SMAP2: variants seen among roughly 807,000 people sequenced by gnomAD.
The protein encoded by SMAP2 is small ArfGAP2.
A neutral mutation model predicts 56.4 loss-of-function variants in SMAP2; 25 were observed. The ratio of observed to expected loss-of-function variants is 0.44; its 90% CI spans 0.32 to 0.62. The LOEUF (loss-of-function observed/expected upper bound fraction) is 0.62. SMAP2 is among the 20% of genes least tolerant of loss of function. SMAP2 has a pLI of 0.04. For synonymous variants in SMAP2, 157 were observed against 181.7 expected, an observed-to-expected ratio of 0.86 and a Z score of 1.09; for missense variants, 388 against 545.6, an observed-to-expected ratio of 0.71 and a Z score of 2.88.
intron 2 of SMAP2, among the ~76,000 whole-genome samples, chr1:40,407,537 C>T (rs1644897173): frequency 6.6e-6 from 1 of 151,972 alleles, no homozygotes; most frequent in South Asian, 2.1e-4. Context: ...ACCTCCAAAT[C>T]ATAGACTTAT....
chr1:40,363,745 C>T (rs1347802832), intron 2 of SMAP2, among the ~76,000 whole-genome samples: 3 of 152,194 alleles, frequency 2.0e-5, no homozygotes, highest in Non-Finnish European at 4.4e-5. Context: ...AACCCCTTCC[C>T]CACCAGCAGC....
chr1:40,404,790 A>G lies in SMAP2; in HGVS notation c.104-1946A>G, dbSNP rs1010765753. Among the ~76,000 whole-genome samples the G allele has an allele frequency of 9.2e-5, 14 of 152,006 alleles. 1 individual carries two copies. The highest frequency in any genetic ancestry group is 5.8e-4 in the East Asian group (3 of 5,184). ...AACTGTAACCTAAAATGGATATACC[A>G]CATGTTAAGAAACCCCATTTACATC... is the stretch of plus-strand genomic sequence containing the variant. On this transcript the variant is annotated intron_variant, in intron 1 of 9. Coordinates refer to ENST00000372718, the MANE Select transcript of SMAP2 (RefSeq NM_022733.3).
intron 2 of SMAP2, among the ~76,000 whole-genome samples, chr1:40,363,719 A>T (rs1265927582): frequency 6.6e-6 from 1 of 152,194 alleles, no homozygotes; most frequent in African/African-American, 2.4e-5. Flanking sequence ...GACAGTCTTG[A>T]ATTGCTGATG....
chr1:40,405,516 G>A (rs1175151221), intron 1 of SMAP2, among the ~76,000 whole-genome samples: 1 of 152,132 alleles, frequency 6.6e-6, no homozygotes, highest in Admixed American at 6.5e-5. Flanking sequence ...TTAAAAACCT[G>A]CTAGCTAACC....
intron 1 of SMAP2, among the ~76,000 whole-genome samples, chr1:40,388,525 C>T (rs1027298995): frequency 1.3e-5 from 2 of 152,202 alleles, no homozygotes; most frequent in South Asian, 4.2e-4. Flanking sequence ...CTGTATCTAG[C>T]TACTCTTGGT....
intron 1 of SMAP2, among the ~76,000 whole-genome samples, chr1:40,355,869 C>T (rs185519760): frequency 8.5e-5 from 13 of 152,172 alleles, no homozygotes; most frequent in African/African-American, 1.9e-4. Flanking sequence ...CTCAGCCCCC[C>T]CAAAATGCTG....
chr1:40,406,687 C>G, intron 1 of SMAP2, 49 bp from the exon 2 acceptor site: 1 of 1,564,164 alleles, frequency 6.4e-7, no homozygotes, highest in Middle Eastern at 1.7e-4. Context: ...TAGTTTAGGC[C>G]TTGAATGTTG....
At chr1:40,406,928 A>G (rs1376356635) in intron 2 of SMAP2, 59 bp downstream of exon 2, 1 of 1,506,358 alleles carries the variant, frequency 6.6e-7, no homozygotes, top group Non-Finnish European at 9.0e-7. Context: ...GGAATTCCAG[A>G]TGAATTTCAG....
At chr1:40,362,959 A>T (rs1258027143) in intron 2 of SMAP2, among the ~76,000 whole-genome samples, 1 of 152,126 alleles carries the variant, frequency 6.6e-6, no homozygotes, top group Non-Finnish European at 1.5e-5. Context: ...AGCTTAGCTG[A>T]TGTGTTAGAA....
At chr1:40,393,331 A>G in intron 1 of SMAP2, 1 of 1,526,612 alleles carries the variant, frequency 6.6e-7, no homozygotes, top group Non-Finnish European at 8.7e-7. Flanking sequence ...AAAAAACCCA[A>G]CAACAGAACA....
intron 1 of SMAP2, among the ~76,000 whole-genome samples, chr1:40,346,925 C>T (rs1038992785): frequency 1.3e-5 from 2 of 151,930 alleles, no homozygotes; most frequent in African/African-American, 4.8e-5. Context: ...TCATAGCTCA[C>T]TGCAGCCTGG....
chr1:40,361,345 C>T (rs1238403079), intron 1 of SMAP2, among the ~76,000 whole-genome samples: 1 of 152,120 alleles, frequency 6.6e-6, no homozygotes, highest in Non-Finnish European at 1.5e-5. Flanking sequence ...CAGCAGTACC[C>T]AGGCAGGACT....
At chr1:40,352,025 A>AT (rs1048238634) in intron 1 of SMAP2, among the ~76,000 whole-genome samples, 1 of 151,780 alleles carries the variant, frequency 6.6e-6, no homozygotes, top group Non-Finnish European at 1.5e-5. Context: ...ACATCCATGA[A>AT]TTTTTTTTTC....
At chr1:40,345,527 C>T (rs1176579579) in intron 1 of SMAP2, among the ~76,000 whole-genome samples, 1 of 151,944 alleles carries the variant, frequency 6.6e-6, no homozygotes, top group South Asian at 2.1e-4. Context: ...ACTATGTTGC[C>T]CAATGCCCAG....
At chr1:40,348,713 T>C (rs1488421309) in intron 1 of SMAP2, among the ~76,000 whole-genome samples, 1 of 152,038 alleles carries the variant, frequency 6.6e-6, no homozygotes, top group African/African-American at 2.4e-5. Context: ...ATGAAAAAAT[T>C]TGCTCTCACT....
At chr1:40,365,672 A>G (rs1644478594) in intron 2 of SMAP2, among the ~76,000 whole-genome samples, 1 of 152,206 alleles carries the variant, frequency 6.6e-6, no homozygotes, top group Non-Finnish European at 1.5e-5. Flanking sequence ...TAACAAACAG[A>G]AAGGACATCC....
chr1:40,399,310 ATTTTTTTT>A (rs747127620), intron 1 of SMAP2, among the ~76,000 whole-genome samples: 5 of 91,954 alleles, frequency 5.4e-5, no homozygotes, highest in South Asian at 4.2e-4. Context: ...ACGTGTGGCT[ATTTTTTTT>A]TTTTTTTTTT....
rs546036041 is a variant in SMAP2, at chr1:40,374,043, C to T, written c.-78C>T. The T allele has an allele frequency of 2.9e-4, 332 of 1,162,946 alleles. No individual in the cohort carries two copies. The highest frequency in any genetic ancestry group is 3.6e-4 in the Non-Finnish European group (283 of 793,408). The allele number at this position is 1,162,946 out of a possible 1,614,324, so 72.0% of individuals were successfully genotyped here. ...TGCCCCTGGGCGGGGGACCGGGAGT[C>T]CTCAACCCCGGACTGAGGCAGGGGT... is the stretch of plus-strand genomic sequence containing the variant. On this transcript the variant is annotated 5_prime_UTR_variant, in exon 1 of 10. Transcript: ENST00000372718. The surrounding 1 kb of genome is among the most constrained non-coding windows in gnomAD (Gnocchi z 5.9).
Position 40,408,915 on chromosome 1 carries a change from C to T in SMAP2, c.323+177C>T, listed in dbSNP as rs1644910396. On this transcript the variant is annotated intron_variant, in intron 3 of 9. Transcript: ENST00000372718. This position sits in a 1 kb window ranked among gnomAD's most constrained non-coding sequence, Gnocchi z 4.3. The stretch of plus-strand genomic sequence containing the variant: ...AAAAAGCACATGTATTTGTGAATGT[C>T]GGAATTGTCATACGGTGTCACTTGA... Among the ~76,000 whole-genome samples, 4 of 152,122 alleles carry T rather than the reference C, an allele frequency of 2.6e-5. No homozygotes were observed. Among genetic ancestry groups the T allele is most frequent in the Admixed American group, 6.5e-5 (1 of 15,270 alleles).
Sources: gnomAD v4.1 joint callset for allele counts (sites outside exome capture counted in the v4.1 genomes callset) on GRCh38, gnomAD v4.1.1 for gene constraint, Gnocchi (gnomAD v3.1) non-coding constraint, MANE v1.5 for transcripts, NCBI Gene and HGNC (gene_info 2026-07-23, HGNC 2026-07-21) for gene names.